MCTP1: variants seen among roughly 807,000 people sequenced by gnomAD.
MCTP1 encodes multiple C2 and transmembrane domain containing 1, also known as multiple C2 and transmembrane domain-containing protein 1.
MCTP1 carries 69 observed loss-of-function variants against 120.6 expected under a neutral mutation model. The observed-to-expected ratio is 0.57, with a 90% confidence interval of 0.47 to 0.70. The LOEUF (loss-of-function observed/expected upper bound fraction) is 0.70, where lower values mean the gene tolerates loss of function less well. Among genes scored for constraint, MCTP1 ranks in the 30% least tolerant of loss-of-function variants. MCTP1 has a pLI of 0.00. For synonymous variants in MCTP1, 529 were observed against 493.1 expected (o/e 1.07, Z -0.96); for missense variants, 1,203 against 1,248.8 (o/e 0.96, Z 0.55).
At chr5:94,771,634 T>G (rs891532699) in intron 19 of MCTP1, among the ~76,000 whole-genome samples, 5 of 152,198 alleles carry the variant, frequency 3.3e-5, no homozygotes, top group East Asian at 3.8e-4. Context: ...TTTCATATTA[T>G]ATGAAAAATT....
chr5:95,154,670 TGAA>T (rs1473258983), intron 1 of MCTP1, among the ~76,000 whole-genome samples: 4 of 152,170 alleles, frequency 2.6e-5, no homozygotes, highest in Non-Finnish European at 4.4e-5. Flanking sequence ...TGAAATTGTG[TGAA>T]GATTGCCTAA....
chr5:94,814,064 A>C (rs1487959650), intron 17 of MCTP1, among the ~76,000 whole-genome samples: 2 of 152,202 alleles, frequency 1.3e-5, no homozygotes, highest in East Asian at 3.8e-4. Context: ...TCAGTCATGA[A>C]GGATCCTCTG....
intron 1 of MCTP1, among the ~76,000 whole-genome samples, chr5:95,065,667 T>C (rs1172728518): frequency 6.6e-6 from 1 of 152,220 alleles, no homozygotes; most frequent in African/African-American, 2.4e-5. Context: ...CATTAAAAGC[T>C]TTTCCTTTGA....
At position 94,940,138 on chromosome 5, in the gene MCTP1, T is replaced by C; in HGVS notation, c.1119A>G (p.Gly373=). 6.2e-7 allele frequency: 1 copy of C among 1,610,248 alleles called. No homozygotes were observed. The highest frequency in any genetic ancestry group is 1.1e-5 in the South Asian group (1 of 90,684). ...TAAGGATGACTGAGAGCAAAATGAT[T>C]CCAAGATCATGGTCAGGATAATGAG... ...KDPHYPDHDL[G]IILLSVILTP... is the part of the protein sequence containing the mutation. The change falls in exon 5 of 23, where the codon GGA becomes GGG. Residue 373 remains glycine (G), a synonymous_variant. Transcript: ENST00000515393.
chr5:95,186,013 A>G (rs187596309), intron 1 of MCTP1, among the ~76,000 whole-genome samples: 52 of 151,726 alleles, frequency 3.4e-4, no homozygotes, highest in Admixed American at 6.6e-4. Context: ...CAAACAAACA[A>G]AAAACCCTGG....
chr5:95,180,914 TCA>T (rs34646896), intron 1 of MCTP1, among the ~76,000 whole-genome samples: 25,181 of 152,082 alleles, frequency 0.17, 2,585 homozygotes, highest in Non-Finnish European at 0.22. Context: ...TTTCTTTCCC[TCA>T]CAGCCCATAC....
chr5:94,899,454 A>C (rs1294401410), intron 10 of MCTP1, among the ~76,000 whole-genome samples: 1 of 151,784 alleles, frequency 6.6e-6, no homozygotes, highest in South Asian at 2.1e-4. Context: ...TGAGCTAGGC[A>C]CTCCCCATTT....
chr5:95,184,411 C>T (rs1369593096), intron 1 of MCTP1, among the ~76,000 whole-genome samples: 1 of 152,248 alleles, frequency 6.6e-6, no homozygotes, highest in East Asian at 1.9e-4. Context: ...AATTTTGAAA[C>T]CACCTTTGCA....
chr5:95,078,648 C>A (rs1268442485), intron 1 of MCTP1, among the ~76,000 whole-genome samples: 1 of 152,080 alleles, frequency 6.6e-6, no homozygotes, highest in African/African-American at 2.4e-5. Flanking sequence ...TACTTTATAG[C>A]AGTCATTTCA....
At chr5:95,217,937 C>A (rs151040396) in intron 1 of MCTP1, among the ~76,000 whole-genome samples, 84 of 152,166 alleles carry the variant, frequency 5.5e-4, no homozygotes, top group African/African-American at 1.7e-3. Context: ...TAGATATACC[C>A]CCCTGCCTCC....
intron 8 of MCTP1, among the ~76,000 whole-genome samples, chr5:94,916,596 C>T (rs904121345): frequency 1.3e-5 from 2 of 152,176 alleles, no homozygotes; most frequent in South Asian, 2.1e-4. Context: ...CAGAATACCA[C>T]GGCAAAAAGA....
rs1379959165 is a variant in MCTP1 at position 95,198,303 on chromosome 5, C to T, written c.720+85553G>A. 2.6e-5 allele frequency among the ~76,000 whole-genome samples: 4 copies of T among 152,124 alleles called. No homozygotes were observed. In the East Asian group the frequency reaches 7.7e-4, roughly 29 times the overall value. On this transcript the variant is annotated intron_variant, in intron 1 of 22. Transcript: ENST00000515393. ...ACTTATACAGATGGTCTCCAACTTA[C>T]CATGGTTTAGTTTACAATTTTTTGA...
In MCTP1 at chr5:94,733,642, A is replaced by G. The variant is rs115215222; in HGVS notation, c.2611-18756T>C. 9.2e-3 allele frequency among the ~76,000 whole-genome samples: 1,402 copies of G among 151,654 alleles called. 19 individuals are homozygous for G. The highest frequency in any genetic ancestry group is 0.031 in the African/African-American group (1,282 of 41,554). The stretch of plus-strand genomic sequence containing the variant: ...TGTCTGTAGTCACCAACTTGGAAAA[A>G]ACAAAAATCACATCTAATGTTACAG... On this transcript the variant is annotated intron_variant, in intron 19 of 22. Coordinates refer to ENST00000515393, the MANE Select transcript of MCTP1 (RefSeq NM_024717.7).
chr5:95,104,645 C>G (rs1167131901), intron 1 of MCTP1, among the ~76,000 whole-genome samples: 2 of 152,168 alleles, frequency 1.3e-5, no homozygotes, highest in Non-Finnish European at 1.5e-5. Context: ...TGTTCTTCTA[C>G]AATACAATGT....
intron 2 of MCTP1, among the ~76,000 whole-genome samples, chr5:94,971,168 A>G (rs1054498760): frequency 6.6e-6 from 1 of 152,106 alleles, no homozygotes; most frequent in Non-Finnish European, 1.5e-5. Flanking sequence ...GGATTTCCCA[A>G]ATTTCTCTGA....
At chr5:95,067,030 G>A (rs1365101675) in intron 1 of MCTP1, among the ~76,000 whole-genome samples, 1 of 151,880 alleles carries the variant, frequency 6.6e-6, no homozygotes, top group Non-Finnish European at 1.5e-5. Flanking sequence ...ACCTCTTGCT[G>A]TGCTGCCCCG....
intron 1 of MCTP1, among the ~76,000 whole-genome samples, chr5:95,168,572 T>C (rs1375587818): frequency 6.6e-6 from 1 of 152,234 alleles, no homozygotes; most frequent in East Asian, 1.9e-4. Context: ...CTCTTTTATT[T>C]CGTTGAGCAG....
chr5:95,250,271 A>G (rs1757255577), intron 1 of MCTP1, among the ~76,000 whole-genome samples: 2 of 152,210 alleles, frequency 1.3e-5, no homozygotes, highest in African/African-American at 4.8e-5. Context: ...TCAGATGTAC[A>G]GCAACTACCT....
intron 2 of MCTP1, chr5:94,976,702 GT>G (rs1387062130): frequency 6.6e-6 from 1 of 152,034 alleles, no homozygotes. Flanking sequence ...TAGAAGGAAG[GT>G]TTTTCTTATG....
Sources: gnomAD v4.1 joint callset for allele counts (sites outside exome capture counted in the v4.1 genomes callset) on GRCh38, gnomAD v4.1.1 for gene constraint, MANE v1.5 for transcripts, NCBI Gene and HGNC (gene_info 2026-07-23, HGNC 2026-07-21) for gene names.